The following SUPT16H variants were observed in gnomAD, a reference collection of about 807,000 sequenced individuals.
SUPT16H encodes FACT complex subunit SPT16.
A neutral mutation model predicts 136.2 loss-of-function variants in SUPT16H; 24 were observed. The ratio of observed to expected loss-of-function variants is 0.18; its 90% CI spans 0.13 to 0.25. SUPT16H has a LOEUF of 0.25. Among genes scored for constraint, SUPT16H ranks in the 10% least tolerant of loss-of-function variants. The pLI is 1.00. For synonymous variants in SUPT16H, 415 were observed against 428.2 expected, an observed-to-expected ratio of 0.97 and a Z score of 0.38; for missense variants, 623 against 1,270.2, an observed-to-expected ratio of 0.49 and a Z score of 7.74.
intron 6 of SUPT16H, among the ~76,000 whole-genome samples, 177 bp downstream of exon 6, chr14:21,369,027 C>G (rs774360838): frequency 6.6e-6 from 1 of 152,062 alleles, no homozygotes; most frequent in Admixed American, 6.5e-5. Context: ...GGTGACTATA[C>G]TTAACAAAAA....
intron 14 of SUPT16H, 102 bp downstream of exon 14, chr14:21,362,692 G>T: frequency 7.4e-7 from 1 of 1,359,348 alleles, no homozygotes; most frequent in Non-Finnish European, 1.0e-6. Context: ...GTCTGAAGGA[G>T]TCAAAAGTGG....
chr14:21,359,741 T>A (rs1886510887), intron 18 of SUPT16H, 132 bp from the exon 19 acceptor site: 2 of 1,004,544 alleles, frequency 2.0e-6, no homozygotes, highest in Non-Finnish European at 2.8e-6. Flanking sequence ...GGTGTCATCA[T>A]AAATAATGAT....
At chr14:21,356,496 ACT>A (rs1453380048) in intron 22 of SUPT16H, among the ~76,000 whole-genome samples, 1 of 152,220 alleles carries the variant, frequency 6.6e-6, no homozygotes, top group Non-Finnish European at 1.5e-5. Flanking sequence ...CTAAATCCAC[ACT>A]AATAGACATT....
Position 21,358,308 on chromosome 14 carries a change from A to G in SUPT16H, c.2414+7T>C. On this transcript the variant is annotated splice_region_variant and intron_variant, in intron 20 of 25. Coordinates refer to ENST00000216297, the MANE Select transcript of SUPT16H (RefSeq NM_007192.4). ...TCAAACTTCAAGCCAAAAATAAGATAGGTTACCCCAAGTCCCTAAAAGGCA... is the reference window on the plus strand; with the variant it reads ...TCAAACTTCAAGCCAAAAATAAGATGGGTTACCCCAAGTCCCTAAAAGGCA... 1 of 1,567,648 alleles carries G rather than the reference A, an allele frequency of 6.4e-7. No homozygotes were observed. The highest frequency in any genetic ancestry group is 8.7e-7 in the Non-Finnish European group (1 of 1,149,918).
In SUPT16H at chr14:21,352,696, G is replaced by C; in HGVS notation, c.3121C>G (p.Pro1041Ala). The C allele has an allele frequency of 6.2e-7, 1 of 1,614,130 alleles. No homozygotes were observed. The highest frequency in any genetic ancestry group is 8.5e-7 in the Non-Finnish European group (1 of 1,180,010). The change falls in exon 26 of 26, where the codon CCC becomes GCC. Residue 1041 changes from proline to alanine, a missense_variant. Physicochemically the swap from Pro to Ala is conservative, Grantham distance 27. This residue lies in a region of SUPT16H where 88 missense variants were observed against 135.5 expected (regional missense o/e 0.65). Coordinates refer to ENST00000216297, the MANE Select transcript of SUPT16H (RefSeq NM_007192.4). ...AGTTACTTCCTCTTTTTCTTGGGGG[G>C]TGCAGAGCTGTGTCTGGAACCACGG... The part of the protein sequence containing the change: ...SNRGSRHSSA[P>A]PKKKRK
At chr14:21,362,404 A>G in intron 14 of SUPT16H, 80 bp from the exon 15 acceptor site, 2 of 1,436,746 alleles carry the variant, frequency 1.4e-6, no homozygotes, top group Non-Finnish European at 1.9e-6. Context: ...AAATTAAGTT[A>G]GGAGTTACAA....
In SUPT16H at chr14:21,362,217, T is replaced by C; in HGVS notation, c.1773A>G (p.Glu591=). Residue 591 remains glutamate (E), a synonymous_variant, in exon 15 of 26, where the codon GAA becomes GAG. Transcript: ENST00000216297. The stretch of plus-strand genomic sequence containing the variant: ...CTCACATTTCCTTGACAAAAGTCGC[T>C]TCAGGGTTAGGAAAGATGTTGCCTT... ...RNEGNIFPNP[E]ATFVKEITYR... is the part of the protein sequence containing the mutation. 1.2e-6 allele frequency: 2 copies of C among 1,612,188 alleles called. No homozygotes were observed. The highest frequency in any genetic ancestry group is 1.7e-6 in the Non-Finnish European group (2 of 1,179,874).
In SUPT16H at chr14:21,383,963, T is replaced by C. The variant is rs370039379; in HGVS notation, c.-36A>G. 57 of 1,611,604 alleles carry C rather than the reference T, an allele frequency of 3.5e-5. No homozygotes were observed. The highest frequency in any genetic ancestry group is 8.8e-5 in the South Asian group (8 of 90,980). ...GCCGCTTCTCCTCGGGTTCCGAGAA[T>C]CACGCGAGGTCCCGGCTCAGCCACC... On this transcript the variant is annotated 5_prime_UTR_variant, in exon 1 of 26. Transcript: ENST00000216297.
At chr14:21,354,289 G>T in intron 23 of SUPT16H, 122 bp downstream of exon 23, 1 of 1,111,054 alleles carries the variant, frequency 9.0e-7, no homozygotes, top group Non-Finnish European at 1.2e-6. Flanking sequence ...ATAATATCAA[G>T]TGGTGTTTAG....
chr14:21,356,427 T>C (rs753552950), intron 22 of SUPT16H, among the ~76,000 whole-genome samples: 8 of 152,222 alleles, frequency 5.3e-5, no homozygotes, highest in South Asian at 4.1e-4. Flanking sequence ...CTGAAGAGTA[T>C]TGCCTCGTAG....
chr14:21,352,833 CATT>C lies in SUPT16H; in HGVS notation c.2999-18_2999-16del. Reference sequence around the variant, plus strand: ...TTCTCGGTCCGCTAAATAGAAGAGGCATTATTAGTTAGCAATAGGTAAGCTTTA... The same window carrying C: ...TTCTCGGTCCGCTAAATAGAAGAGGCATTAGTTAGCAATAGGTAAGCTTTA... On this transcript the variant is annotated splice_polypyrimidine_tract_variant and intron_variant, in intron 25 of 25. Transcript: ENST00000216297. 1 of 1,613,944 alleles carries C rather than the reference CATT, an allele frequency of 6.2e-7. No homozygotes were observed. Among genetic ancestry groups the C allele is most frequent in the Non-Finnish European group, 8.5e-7 (1 of 1,179,988 alleles).
rs1259462677 is a variant in SUPT16H, at chr14:21,358,011, G to A, written c.2415-9C>T. The A allele has an allele frequency of 1.9e-6, 3 of 1,612,970 alleles. No individual in the cohort carries two copies. Among genetic ancestry groups the A allele is most frequent in the South Asian group, 2.2e-5 (2 of 91,032 alleles). On this transcript the variant is annotated splice_polypyrimidine_tract_variant and intron_variant, in intron 20 of 25. Coordinates refer to ENST00000216297, the MANE Select transcript of SUPT16H (RefSeq NM_007192.4). ...AGGGAGCTCCGTTAAATCTGGAAGAGACAAACTTTTAAGACTGAGCTCATC... is the reference window on the plus strand; with the variant it reads ...AGGGAGCTCCGTTAAATCTGGAAGAAACAAACTTTTAAGACTGAGCTCATC...
At chr14:21,360,714 TTA>T in intron 17 of SUPT16H, 130 bp downstream of exon 17, 3 of 1,373,848 alleles carry the variant, frequency 2.2e-6, no homozygotes, top group Non-Finnish European at 3.0e-6. Context: ...TTGTCATACT[TTA>T]TTAGCACCAT....
At chr14:21,376,704 G>GA (rs985851714) in intron 1 of SUPT16H, among the ~76,000 whole-genome samples, 3 of 151,876 alleles carry the variant, frequency 2.0e-5, no homozygotes, top group Non-Finnish European at 4.4e-5. Context: ...ACACACTCAG[G>GA]AAAAAAGGCC....
chr14:21,352,787 T>G lies in SUPT16H; in HGVS notation c.3030A>C (p.Glu1010Asp). ...ADRESRYEEE[E>D]EQSRSMSRKR... ...TCCGGCTCATACTTCGACTTTGTTC[T>G]TCTTCTTCCTCGTAACGACTTTCTC... is the stretch of plus-strand genomic sequence containing the variant. The change falls in exon 26 of 26, where the codon GAA (glutamate) becomes GAC (aspartate). Residue 1010 changes from glutamate to aspartate, a missense_variant. Transcript: ENST00000216297. 1.2e-6 allele frequency: 2 copies of G among 1,614,094 alleles called. No individual in the cohort carries two copies. The highest frequency in any genetic ancestry group is 1.7e-6 in the Non-Finnish European group (2 of 1,180,006).
At chr14:21,366,386 T>C (rs1471604413) in intron 8 of SUPT16H, 53 bp downstream of exon 8, 2 of 1,521,842 alleles carry the variant, frequency 1.3e-6, no homozygotes, top group African/African-American at 2.7e-5. Context: ...GACTGACCAC[T>C]GACAGTCTAA....
chr14:21,369,298 A>T lies in SUPT16H; in HGVS notation c.688T>A (p.Tyr230Asn). The T allele has an allele frequency of 6.2e-7, 1 of 1,614,148 alleles. No individual in the cohort carries two copies. Among genetic ancestry groups the T allele is most frequent in the Non-Finnish European group, 8.5e-7 (1 of 1,180,024 alleles). ...SVEKAIEEKK[Y>N]LAGADPSTVE... ...GTAGAAGGGTCTGCCCCAGCAAGGT[A>T]TTTTTTCTCTTCAATGGCCTTTTCC... The change falls in exon 6 of 26, where the codon TAC becomes AAC. Residue 230 changes from tyrosine (Y) to asparagine (N), a missense_variant. Coordinates refer to ENST00000216297, the MANE Select transcript of SUPT16H (RefSeq NM_007192.4).
At chr14:21,362,135 T>G (rs1318527740) in intron 15 of SUPT16H, 62 bp downstream of exon 15, 46 of 1,543,564 alleles carry the variant, frequency 3.0e-5, no homozygotes, top group Non-Finnish European at 3.8e-5. Flanking sequence ...GACAATGAAA[T>G]GTTTCTGAGA....
At chr14:21,358,108 TCACTGGA>T in intron 20 of SUPT16H, 106 bp from the exon 21 acceptor site, 1 of 1,043,860 alleles carries the variant, frequency 9.6e-7, no homozygotes, top group Non-Finnish European at 1.4e-6. Context: ...TCCAGCATAC[TCACTGGA>T]GACTCATCCA....
Sources: allele counts gnomAD v4.1 joint callset (sites outside exome capture counted in the v4.1 genomes callset), GRCh38; gene constraint gnomAD v4.1.1; regional missense constraint gnomAD v4.1.1; transcripts MANE v1.5; gene names NCBI Gene and HGNC (gene_info 2026-07-23, HGNC 2026-07-21).